UTP20: variants seen among roughly 807,000 people sequenced by gnomAD.
The protein encoded by UTP20 is small subunit processome component 20 homolog.
UTP20 carries 164 observed loss-of-function variants against 329.5 expected under a neutral mutation model. That is an observed-to-expected ratio of 0.50 (90% CI 0.44 to 0.57). The LOEUF (loss-of-function observed/expected upper bound fraction) is 0.57, where lower values mean the gene tolerates loss of function less well. Ranked by LOEUF, UTP20 falls within the 20% of genes least tolerant of loss-of-function variation. The probability of loss-of-function intolerance (pLI) is 0.00; values close to 1 mark genes in which losing one functional copy is unlikely to be tolerated. For synonymous variants in UTP20, 1,151 were observed against 1,159.3 expected (o/e 0.99, Z 0.14); for missense variants, 3,055 against 3,284.2 (o/e 0.93, Z 1.71).
At chr12:101,329,761 T>C (rs749468885) in intron 27 of UTP20, among the ~76,000 whole-genome samples, 14 of 152,236 alleles carry the variant, frequency 9.2e-5, no homozygotes, top group Admixed American at 2.6e-4. Flanking sequence ...GCCACCACTT[T>C]GGGAGGCCAA....
intron 10 of UTP20, among the ~76,000 whole-genome samples, chr12:101,292,409 G>T (rs748392894): frequency 6.6e-6 from 1 of 152,208 alleles, no homozygotes; most frequent in Admixed American, 6.5e-5. Context: ...GTATGAGCTG[G>T]CTATTCCAGG....
In UTP20 at chr12:101,342,506, A is replaced by G. The variant is rs771786212; in HGVS notation, c.4162A>G (p.Thr1388Ala). ...QNLLKHCVDP[T>A]SFLKPIAKLF... is the part of the protein sequence containing the mutation. ...CTTGTTAAAGCATTGTGTGGACCCT[A>G]CAAGCTTCCTCAAGCCTATAGCAAA... The change falls in exon 33 of 62, where the codon ACA (threonine) becomes GCA (alanine). Residue 1388 changes from threonine (T) to alanine (A), a missense_variant. Thr to Ala is a moderately conservative substitution (Grantham distance 58). Around this residue, in one of 3 missense-constraint regions of UTP20, gnomAD observed 2,445 missense variants for 2,575.5 expected, o/e 0.95. Transcript: ENST00000261637. 3.1e-6 allele frequency: 5 copies of G among 1,613,592 alleles called. No individual in the cohort carries two copies. The South Asian group carries it at 5.5e-5, about 18-fold the overall frequency.
In UTP20 at chr12:101,295,607, G is replaced by A. The variant is rs762062106; in HGVS notation, c.1379G>A (p.Gly460Asp). ...AACAAAGCAGCACCTCCCACTGCTG[G>A]CTCGATGGCAATTGAAAAGTACCCT... ...ILNKAAPPTA[G>D]SMAIEKYPLV... Residue 460 changes from glycine (G) to aspartate (D), a missense_variant, in exon 12 of 62, where the codon GGC becomes GAC. Physicochemically the swap from Gly to Asp is moderately conservative, Grantham distance 94. Transcript: ENST00000261637. 35 of 1,612,634 alleles carry A rather than the reference G, an allele frequency of 2.2e-5. No homozygotes were observed. Among genetic ancestry groups the A allele is most frequent in the Admixed American group, 3.3e-5 (2 of 59,974 alleles).
intron 40 of UTP20, among the ~76,000 whole-genome samples, chr12:101,353,962 T>A (rs1869626722): frequency 6.6e-6 from 1 of 151,720 alleles, no homozygotes; most frequent in African/African-American, 2.4e-5. Context: ...ATTAAAGGAA[T>A]TGAATGCACA....
intron 22 of UTP20, among the ~76,000 whole-genome samples, chr12:101,318,778 C>G (rs1003530701): frequency 6.7e-6 from 1 of 149,246 alleles, no homozygotes; most frequent in Non-Finnish European, 1.5e-5. Context: ...TTGCTGTGAG[C>G]CGTGGTTGTG....
intron 43 of UTP20, 23 bp downstream of exon 43, chr12:101,357,105 T>C (rs928375175): frequency 2.5e-6 from 4 of 1,591,380 alleles, no homozygotes; most frequent in East Asian, 2.2e-5. Flanking sequence ...TTGTGCTTTA[T>C]ATTCAAGTTG....
At position 101,333,289 on chromosome 12, in the gene UTP20, T is replaced by C; in HGVS notation, c.3418-12T>C. On this transcript the variant is annotated splice_polypyrimidine_tract_variant and intron_variant, in intron 27 of 61. Transcript: ENST00000261637. ...ATATGTATTTTTTGAACAGAAGATC[T>C]TTGTTTTACAGATACAGCTGAGATT... 6.2e-7 allele frequency: 1 copy of C among 1,610,974 alleles called. No individual in the cohort carries two copies. Among genetic ancestry groups the C allele is most frequent in the Non-Finnish European group, 8.5e-7 (1 of 1,178,936 alleles).
Position 101,352,091 on chromosome 12 carries a change from G to T in UTP20, c.4921G>T (p.Gly1641Ter). The change falls in exon 39 of 62, where the codon GGA becomes TGA. Residue 1641 changes from glycine to a stop codon, truncating the protein, a stop_gained. Coordinates refer to ENST00000261637, the MANE Select transcript of UTP20 (RefSeq NM_014503.3). LOFTEE classifies it high-confidence loss of function. ...NITTAATEIIGAICKHLSWSA... is the reference protein window; with the variant it reads ...NITTAATEII ...AACCACTGCTGCCACAGAGATTATTGGAGCCATTTGCAAACATCTCTCTTG... is the reference window on the plus strand; with the variant it reads ...AACCACTGCTGCCACAGAGATTATTTGAGCCATTTGCAAACATCTCTCTTG... 1 of 1,613,692 alleles carries T rather than the reference G, an allele frequency of 6.2e-7. No individual in the cohort carries two copies. Among genetic ancestry groups the T allele is most frequent in the Non-Finnish European group, 8.5e-7 (1 of 1,179,930 alleles).
intron 56 of UTP20, among the ~76,000 whole-genome samples, chr12:101,376,884 G>A (rs947569287): frequency 1.3e-5 from 2 of 152,058 alleles, no homozygotes. Context: ...CTGACCTCAG[G>A]TGATCTACCC....
chr12:101,353,454 A>G (rs1249395159), intron 40 of UTP20, among the ~76,000 whole-genome samples: 1 of 152,250 alleles, frequency 6.6e-6, no homozygotes, highest in Non-Finnish European at 1.5e-5. Flanking sequence ...AAAATAAGTA[A>G]TTAAAAATTA....
chr12:101,344,496 C>A, intron 35 of UTP20, 99 bp from the exon 36 acceptor site: 1 of 706,160 alleles, frequency 1.4e-6, no homozygotes, highest in Non-Finnish European at 2.5e-6. Flanking sequence ...TTTTTACAAG[C>A]ACAGTGACAG....
In UTP20 at chr12:101,321,604, G is replaced by A. The variant is rs1868375480; in HGVS notation, c.3016G>A (p.Ala1006Thr). 1 of 1,613,580 alleles carries A rather than the reference G, an allele frequency of 6.2e-7. No individual in the cohort carries two copies. Among genetic ancestry groups the A allele is most frequent in the South Asian group, 1.1e-5 (1 of 91,070 alleles). Reference sequence around the variant, plus strand: ...TGCTGTAGTGAAAACAGCCCACCGAGCAGATCTATTTCCTATTCTGATGAG... The same window carrying A: ...TGCTGTAGTGAAAACAGCCCACCGAACAGATCTATTTCCTATTCTGATGAG... The part of the protein sequence containing the change: ...DNAVVKTAHR[A>T]DLFPILMRIL... The change falls in exon 25 of 62, where the codon GCA becomes ACA. Residue 1006 changes from alanine (A) to threonine (T), a missense_variant. By Grantham distance (58) the Ala-to-Thr change is moderately conservative (BLOSUM62 0). Transcript: ENST00000261637.
chr12:101,296,297 C>T (rs12300387), intron 12 of UTP20, among the ~76,000 whole-genome samples: 7,457 of 152,238 alleles, frequency 0.049, 605 homozygotes, highest in African/African-American at 0.17. Flanking sequence ...CCTGGCCAGG[C>T]GCGGTGGCTC....
chr12:101,351,715 T>C (rs184554506), intron 38 of UTP20, among the ~76,000 whole-genome samples: 3 of 152,146 alleles, frequency 2.0e-5, no homozygotes, highest in Admixed American at 2.0e-4. Context: ...CCACCGACAA[T>C]GTACTTTTGA....
intron 15 of UTP20, among the ~76,000 whole-genome samples, chr12:101,304,478 AC>A (rs144938944): frequency 0.017 from 2,547 of 152,312 alleles, 82 homozygotes; most frequent in African/African-American, 0.059. Flanking sequence ...AGATGGAGGA[AC>A]TAAAGTTTCA....
At chr12:101,309,893 A>T in intron 19 of UTP20, 54 bp downstream of exon 19, 2 of 1,497,960 alleles carry the variant, frequency 1.3e-6, no homozygotes, top group South Asian at 1.1e-5. Flanking sequence ...CTGCAGAATG[A>T]TGGGGCCCAG....
chr12:101,336,480 T>C (rs2137272970), intron 29 of UTP20, among the ~76,000 whole-genome samples: 1 of 152,262 alleles, frequency 6.6e-6, no homozygotes, highest in African/African-American at 2.4e-5. Flanking sequence ...TACTTTTTTG[T>C]CCAAACTGAA....
chr12:101,289,377 A>G (rs980020932), intron 6 of UTP20, among the ~76,000 whole-genome samples: 1 of 149,674 alleles, frequency 6.7e-6, no homozygotes, highest in Admixed American at 6.6e-5. Context: ...ACTCCATATC[A>G]CACACACACA....
Position 101,338,041 on chromosome 12 carries a change from T to C in UTP20, c.3642-10T>C, listed in dbSNP as rs1868988314. 1.9e-6 allele frequency: 3 copies of C among 1,613,184 alleles called. No individual in the cohort carries two copies. The highest frequency in any genetic ancestry group is 2.5e-6 in the Non-Finnish European group (3 of 1,179,196). On this transcript the variant is annotated splice_polypyrimidine_tract_variant and intron_variant, in intron 29 of 61. Coordinates refer to ENST00000261637, the MANE Select transcript of UTP20 (RefSeq NM_014503.3). The stretch of plus-strand genomic sequence containing the variant: ...GAATAAGATGATTACTACAATGTTT[T>C]TTCTTCCAGATATTTCCCTTTGCTG...
Sources: allele counts gnomAD v4.1 joint callset (sites outside exome capture counted in the v4.1 genomes callset), GRCh38; gene constraint gnomAD v4.1.1; regional missense constraint gnomAD v4.1.1; transcripts MANE v1.5; gene names NCBI Gene and HGNC (gene_info 2026-07-23, HGNC 2026-07-21).